Variants in ADAMTSL1 observed in about 807,000 individuals in gnomAD.
The protein encoded by ADAMTSL1 is ADAMTS like 1.
ADAMTSL1 carries 126 observed loss-of-function variants against 201.8 expected under a neutral mutation model. The observed-to-expected ratio is 0.62, with a 90% confidence interval of 0.54 to 0.72. ADAMTSL1 has a LOEUF of 0.72. ADAMTSL1 is among the 30% of genes least tolerant of loss of function. ADAMTSL1 has a pLI of 0.00. For missense variants in ADAMTSL1, 2,679 were observed against 2,277.8 expected, an observed-to-expected ratio of 1.18 and a Z score of -3.59; for synonymous variants, 1,121 against 903.4, an observed-to-expected ratio of 1.24 and a Z score of -4.32.
At chr9:18,722,162 C>G (rs527477215) in intron 15 of ADAMTSL1, among the ~76,000 whole-genome samples, 1 of 152,128 alleles carries the variant, frequency 6.6e-6, no homozygotes, top group Non-Finnish European at 1.5e-5. Context: ...ATTCCACATG[C>G]GTAAAATCAA....
rs1399271059 is a variant in ADAMTSL1, at chr9:18,505,046, T to C, written c.191+90T>C. ...TGTGATTGGGTTTATGGAGAACATT[T>C]TGTGGCTTACAGATCCAGATAAAAG... On this transcript the variant is annotated intron_variant, in intron 2 of 28. Transcript: ENST00000380548. 4.1e-6 allele frequency: 6 copies of C among 1,462,696 alleles called. No individual in the cohort carries two copies. In the East Asian group the frequency reaches 7.3e-5, roughly 18 times the overall value. The allele number at this position is 1,462,696 out of a possible 1,614,324, so 90.6% of individuals were successfully genotyped here.
At chr9:18,075,589 C>A (rs1431416021) in intron 1 of ADAMTSL1, among the ~76,000 whole-genome samples, 1 of 152,172 alleles carries the variant, frequency 6.6e-6, no homozygotes, top group Non-Finnish European at 1.5e-5. Flanking sequence ...TTGGCATATA[C>A]CCTAGCTGAC....
chr9:18,752,651 C>T (rs1472014291), intron 15 of ADAMTSL1, among the ~76,000 whole-genome samples: 5 of 152,166 alleles, frequency 3.3e-5, no homozygotes, highest in African/African-American at 9.7e-5. Context: ...AACTCATCTG[C>T]GTATTTGAGT....
intron 2 of ADAMTSL1, among the ~76,000 whole-genome samples, chr9:18,383,968 A>G (rs1342212951): frequency 6.6e-6 from 1 of 152,176 alleles, no homozygotes; most frequent in Non-Finnish European, 1.5e-5. Flanking sequence ...ACAGGCTGCC[A>G]GGTAATGGTG....
intron 4 of ADAMTSL1, among the ~76,000 whole-genome samples, chr9:18,608,727 T>C (rs1380884434): frequency 6.6e-6 from 1 of 152,176 alleles, no homozygotes; most frequent in Non-Finnish European, 1.5e-5. Flanking sequence ...TTCATCTGGC[T>C]CTGGAAATTT....
chr9:18,910,614 A>G lies in ADAMTSL1; in HGVS notation c.*2066A>G, dbSNP rs762615119. 4.6e-5 allele frequency: 7 copies of G among 152,244 alleles called. No homozygotes were observed. The highest frequency in any genetic ancestry group is 8.8e-5 in the Non-Finnish European group (6 of 68,050). 9.4% of individuals were successfully genotyped at this position (152,244 alleles called of 1,614,324 possible). On this transcript the variant is annotated 3_prime_UTR_variant, in exon 29 of 29. Transcript: ENST00000380548. ...GATAAAGACAGACAAATTCCATACTACTACTAATGTGGTTAATTATTTCTA... is the reference window on the plus strand; with the variant it reads ...GATAAAGACAGACAAATTCCATACTGCTACTAATGTGGTTAATTATTTCTA...
intron 2 of ADAMTSL1, among the ~76,000 whole-genome samples, chr9:18,415,822 T>A (rs146770429): frequency 2.4e-4 from 37 of 152,032 alleles, no homozygotes; most frequent in Non-Finnish European, 4.1e-4. Context: ...ACATTTTATA[T>A]AGAGAAGCAA....
At chr9:18,407,234 T>G (rs888054044) in intron 2 of ADAMTSL1, among the ~76,000 whole-genome samples, 3 of 152,202 alleles carry the variant, frequency 2.0e-5, no homozygotes, top group Non-Finnish European at 2.9e-5. Flanking sequence ...GACAGACATT[T>G]GAGCTAAATT....
At chr9:18,836,049 C>T (rs35241759) in intron 23 of ADAMTSL1, among the ~76,000 whole-genome samples, 3 of 152,000 alleles carry the variant, frequency 2.0e-5, no homozygotes, top group East Asian at 1.9e-4. Context: ...ATTGAATGAT[C>T]GTTGTGTTTT....
intron 1 of ADAMTSL1, among the ~76,000 whole-genome samples, chr9:18,131,916 C>T (rs1398405719): frequency 7.9e-6 from 1 of 127,080 alleles, no homozygotes; most frequent in Admixed American, 7.7e-5. Context: ...GAGGAGGTCA[C>T]TTCCTTCATA....
rs905056440 is a variant in ADAMTSL1 at position 18,843,794 on chromosome 9, A to G, written c.4249+13817A>G. On this transcript the variant is annotated intron_variant, in intron 23 of 28. Coordinates refer to ENST00000380548, the MANE Select transcript of ADAMTSL1 (RefSeq NM_001040272.6). ...CTTCATTTCATTCATTTGATCTTCAATCACTGATACCCTTTCTTCCAGTTG... is the reference window on the plus strand; with the variant it reads ...CTTCATTTCATTCATTTGATCTTCAGTCACTGATACCCTTTCTTCCAGTTG... Among the ~76,000 whole-genome samples, 8 of 150,888 alleles carry G rather than the reference A, an allele frequency of 5.3e-5. 2 individuals carry two copies. The highest frequency in any genetic ancestry group is 2.0e-4 in the African/African-American group (8 of 40,192).
intron 2 of ADAMTSL1, among the ~76,000 whole-genome samples, chr9:18,181,186 G>T (rs1354874359): frequency 6.6e-6 from 1 of 152,196 alleles, no homozygotes; most frequent in South Asian, 2.1e-4. Flanking sequence ...AAAAGCCCTA[G>T]AAGAAAACCT....
intron 1 of ADAMTSL1, among the ~76,000 whole-genome samples, chr9:17,957,478 G>T (rs1827975613): frequency 6.6e-6 from 1 of 152,124 alleles, no homozygotes; most frequent in African/African-American, 2.4e-5. Flanking sequence ...CCACCTTCAA[G>T]CTTTTCCATG....
chr9:18,380,996 T>A (rs1305844911), intron 2 of ADAMTSL1, among the ~76,000 whole-genome samples: 1 of 152,176 alleles, frequency 6.6e-6, no homozygotes, highest in Non-Finnish European at 1.5e-5. Flanking sequence ...TGCTAGTTCA[T>A]CTCCTCTGTC....
At chr9:18,706,448 A>G (rs1470041909) in intron 13 of ADAMTSL1, among the ~76,000 whole-genome samples, 3 of 152,182 alleles carry the variant, frequency 2.0e-5, no homozygotes, top group Non-Finnish European at 4.4e-5. Flanking sequence ...AGAAACCACC[A>G]ATTCCCTGCT....
At chr9:18,399,328 T>TATATAA (rs1491459278) in intron 2 of ADAMTSL1, among the ~76,000 whole-genome samples, 2 of 107,724 alleles carry the variant, frequency 1.9e-5, no homozygotes, top group Non-Finnish European at 3.9e-5. Context: ...TATATATATA[T>TATATAA]AAAATTATTA....
chr9:18,092,269 C>T (rs73420854), intron 1 of ADAMTSL1, among the ~76,000 whole-genome samples: 3,841 of 152,082 alleles, frequency 0.025, 175 homozygotes, highest in African/African-American at 0.087. Context: ...CTATAAGGTA[C>T]CCAAGGCTGT....
chr9:18,463,408 T>C (rs1219603874), intron 2 of ADAMTSL1, among the ~76,000 whole-genome samples: 1 of 152,242 alleles, frequency 6.6e-6, no homozygotes, highest in African/African-American at 2.4e-5. Context: ...ATTTTACTAA[T>C]TTAACCATTT....
intron 3 of ADAMTSL1, among the ~76,000 whole-genome samples, chr9:18,540,405 C>T (rs375833604): frequency 1.1e-4 from 16 of 152,222 alleles, no homozygotes; most frequent in African/African-American, 3.4e-4. Context: ...GAGAGTGACA[C>T]AGGGATGGAG....
Sources: allele counts gnomAD v4.1 joint callset (sites outside exome capture counted in the v4.1 genomes callset), GRCh38; gene constraint gnomAD v4.1.1; transcripts MANE v1.5; gene names NCBI Gene and HGNC (gene_info 2026-07-23, HGNC 2026-07-21).